Variants in DAB1 observed in about 807,000 individuals in gnomAD.
The protein encoded by DAB1 is DAB adaptor protein 1.
In DAB1, 15 loss-of-function variants were observed where a neutral mutation model predicts 64.6. The ratio of observed to expected loss-of-function variants is 0.23; its 90% CI spans 0.16 to 0.36. DAB1 has a LOEUF of 0.36. Among genes scored for constraint, DAB1 ranks in the 10% least tolerant of loss-of-function variants. The pLI is 1.00. For missense variants in DAB1, 596 were observed against 706.7 expected (o/e 0.84, Z 1.78); for synonymous variants, 235 against 251.9 (o/e 0.93, Z 0.64).
At chr1:58,148,503 C>A (rs867181069) in intron 5 of DAB1, among the ~76,000 whole-genome samples, 15 of 152,290 alleles carry the variant, frequency 9.8e-5, no homozygotes, top group Middle Eastern at 3.4e-3. Context: ...ATTTTGACCA[C>A]TAAGCTTCCT....
chr1:57,251,039 T>C (rs1278928522), intron 2 of DAB1, among the ~76,000 whole-genome samples: 1 of 152,202 alleles, frequency 6.6e-6, no homozygotes. Flanking sequence ...GCATTATTTG[T>C]TTGAAAGAAC....
chr1:58,335,110 A>AGC (rs1173454298), intron 4 of DAB1, among the ~76,000 whole-genome samples: 2 of 152,356 alleles, frequency 1.3e-5, no homozygotes, highest in East Asian at 3.9e-4. Context: ...ATATACGATC[A>AGC]GGAAAGCCCT....
At position 58,124,455 on chromosome 1, in the gene DAB1, A is replaced by AG. The variant is rs543764624; in HGVS notation, n.387+26055dup. Among the ~76,000 whole-genome samples the AG allele has an allele frequency of 4.7e-3, 711 of 152,300 alleles. 5 individuals carry two copies. Among genetic ancestry groups the AG allele is most frequent in the Non-Finnish European group, 7.7e-3 (525 of 68,020 alleles). On this transcript the variant is annotated intron_variant and non_coding_transcript_variant, in intron 5 of 20. Coordinates refer to the DAB1 transcript ENST00000485760. ...TAATGATTTAGGGGCTGTATGTGTC[A>AG]GGGGAAAGATGAGTTGCCTGTGTTT...
At chr1:57,029,320 T>A (rs568803235) in intron 9 of DAB1, among the ~76,000 whole-genome samples, 77 of 152,244 alleles carry the variant, frequency 5.1e-4, no homozygotes, top group African/African-American at 1.6e-3. Context: ...TTTAAGATGA[T>A]GTATGGAAAT....
chr1:57,015,244 A>T lies in DAB1; in HGVS notation c.1083T>A (p.Phe361Leu). The change falls in exon 12 of 15, where the codon TTT (phenylalanine) becomes TTA (leucine). Residue 361 changes from phenylalanine to leucine, a missense_variant. This residue lies in a region of DAB1 where 377 missense variants were observed against 400.4 expected (regional missense o/e 0.94). Coordinates refer to ENST00000371236, the MANE Select transcript of DAB1 (RefSeq NM_001365792.1). Reference sequence around the variant, plus strand: ...GTGTGGGCATGAAGGCGGCTGGCGGAAACTGCCCGGCCACAGTTGGCCAGG... The same window carrying T: ...GTGTGGGCATGAAGGCGGCTGGCGGTAACTGCCCGGCCACAGTTGGCCAGG... ...QQPWPTVAGQFPPAAFMPTQT... is the reference protein window; with the variant it reads ...QQPWPTVAGQLPPAAFMPTQT... The T allele has an allele frequency of 3.1e-6, 5 of 1,614,092 alleles. No individual in the cohort carries two copies. The highest frequency in any genetic ancestry group is 4.2e-6 in the Non-Finnish European group (5 of 1,180,022).
At chr1:57,027,607 G>C (rs764993592) in intron 9 of DAB1, among the ~76,000 whole-genome samples, 3 of 152,140 alleles carry the variant, frequency 2.0e-5, no homozygotes, top group African/African-American at 7.2e-5. Flanking sequence ...CAACTCCTCA[G>C]AATTACAGTT....
chr1:57,178,346 T>C (rs537609333), intron 2 of DAB1, among the ~76,000 whole-genome samples: 2 of 151,240 alleles, frequency 1.3e-5, no homozygotes, highest in African/African-American at 4.8e-5. Context: ...AACCCAGATG[T>C]TATAGAATGG....
At chr1:57,671,626 G>T (rs1043852648) in intron 6 of DAB1, among the ~76,000 whole-genome samples, 1 of 151,922 alleles carries the variant, frequency 6.6e-6, no homozygotes, top group Non-Finnish European at 1.5e-5. Context: ...CATTATTTTC[G>T]AATCACATAC....
At chr1:57,954,600 A>G (rs145504761) in intron 5 of DAB1, among the ~76,000 whole-genome samples, 1 of 152,330 alleles carries the variant, frequency 6.6e-6, no homozygotes, top group East Asian at 1.9e-4. Context: ...GTCCTCCTGT[A>G]AGCCCAGCCA....
chr1:58,410,659 T>C (rs1309423679), intron 3 of DAB1, among the ~76,000 whole-genome samples: 1 of 152,212 alleles, frequency 6.6e-6, no homozygotes, highest in Non-Finnish European at 1.5e-5. Flanking sequence ...ATTCCAAGTT[T>C]CTTTCCAACA....
chr1:57,400,930 C>T (rs1683190190), intron 1 of DAB1, among the ~76,000 whole-genome samples: 1 of 151,020 alleles, frequency 6.6e-6, no homozygotes, highest in Non-Finnish European at 1.5e-5. Context: ...TGCAGACCAG[C>T]TTTCCCAGAC....
intron 2 of DAB1, among the ~76,000 whole-genome samples, chr1:57,244,840 T>C (rs1668744064): frequency 6.6e-6 from 1 of 152,226 alleles, no homozygotes; most frequent in South Asian, 2.1e-4. Flanking sequence ...TAACATATAG[T>C]AGTCAATAAA....
chr1:57,126,745 T>C (rs1226624931), intron 4 of DAB1, among the ~76,000 whole-genome samples: 1 of 152,206 alleles, frequency 6.6e-6, no homozygotes, highest in Non-Finnish European at 1.5e-5. Flanking sequence ...TCAGGCCTGC[T>C]AATGGCAAAT....
chr1:57,900,056 G>A (rs991016619), intron 5 of DAB1, among the ~76,000 whole-genome samples: 1 of 151,624 alleles, frequency 6.6e-6, no homozygotes, highest in Non-Finnish European at 1.5e-5. Flanking sequence ...CTCCCATTTC[G>A]GCCTCCCAAA....
intron 2 of DAB1, among the ~76,000 whole-genome samples, chr1:57,256,848 G>C (rs1424719885): frequency 6.6e-6 from 1 of 152,220 alleles, no homozygotes; most frequent in Non-Finnish European, 1.5e-5. Context: ...TCCTGGACTA[G>C]CTGGCCTCTG....
intron 3 of DAB1, among the ~76,000 whole-genome samples, chr1:58,369,412 C>A (rs1238480826): frequency 6.6e-6 from 1 of 152,192 alleles, no homozygotes; most frequent in Non-Finnish European, 1.5e-5. Flanking sequence ...ATGAACTTTA[C>A]AGCTGATGCT....
chr1:57,821,137 A>G (rs1008673131), downstream of DAB1, among the ~76,000 whole-genome samples: 1 of 152,056 alleles, frequency 6.6e-6, no homozygotes, highest in African/African-American at 2.4e-5. Context: ...ATCCTCTAAC[A>G]TATCACCTTC....
intron 6 of DAB1, among the ~76,000 whole-genome samples, chr1:57,756,475 T>C (rs1014402688): frequency 6.6e-6 from 1 of 151,974 alleles, no homozygotes; most frequent in South Asian, 2.1e-4. Context: ...GCAAGAGGCA[T>C]GAGATAACAA....
intron 7 of DAB1, among the ~76,000 whole-genome samples, chr1:57,443,125 C>T (rs1291721655): frequency 6.6e-6 from 1 of 152,160 alleles, no homozygotes; most frequent in East Asian, 1.9e-4. Flanking sequence ...CATAGCCTGC[C>T]AAATTCTAAA....
Sources: allele counts gnomAD v4.1 joint callset (sites outside exome capture counted in the v4.1 genomes callset), GRCh38; gene constraint gnomAD v4.1.1; regional missense constraint gnomAD v4.1.1; transcripts MANE v1.5; gene names NCBI Gene and HGNC (gene_info 2026-07-23, HGNC 2026-07-21).